Variants in NBEAL1 observed in about 807,000 individuals in gnomAD.
NBEAL1 encodes the protein neurobeachin-like protein 1.
In NBEAL1, 273 loss-of-function variants were observed where a neutral mutation model predicts 351.3. The ratio of observed to expected loss-of-function variants is 0.78; its 90% CI spans 0.70 to 0.86. NBEAL1 has a LOEUF of 0.86. Among genes scored for constraint, NBEAL1 ranks in the 40% least tolerant of loss-of-function variants. NBEAL1 has a pLI of 0.00. For missense variants in NBEAL1, 2,961 were observed against 3,201.3 expected (o/e 0.92, Z 1.81); for synonymous variants, 1,050 against 1,086.4 (o/e 0.97, Z 0.66).
chr2:203,067,971 G>A (rs529630200), intron 6 of NBEAL1, among the ~76,000 whole-genome samples: 2 of 152,284 alleles, frequency 1.3e-5, no homozygotes, highest in East Asian at 1.9e-4. Context: ...AGAAGCTAAT[G>A]TATGGCCTCA....
At position 203,202,879 on chromosome 2, in the gene NBEAL1, T is replaced by G. The variant is rs564132852; in HGVS notation, c.7506+98T>G. Reference sequence around the variant, plus strand: ...AGGACATCGAATTGTTTTCTGGCAGTGACTGAGCTCCTTTGTATTCTTTTT... The same window carrying G: ...AGGACATCGAATTGTTTTCTGGCAGGGACTGAGCTCCTTTGTATTCTTTTT... On this transcript the variant is annotated intron_variant, in intron 51 of 55. Coordinates refer to ENST00000683969, the MANE Select transcript of NBEAL1 (RefSeq NM_001378026.1). 4.1e-5 allele frequency: 29 copies of G among 706,004 alleles called. No individual in the cohort carries two copies. In the Admixed American group the frequency reaches 5.6e-4, roughly 14 times the overall value. 43.7% of individuals were successfully genotyped at this position (706,004 alleles called of 1,614,324 possible). A position where few individuals can be genotyped will look rare whatever the true frequency, so the allele number is the denominator to read the frequency against.
Position 203,037,911 on chromosome 2 carries a change from T to C in NBEAL1, c.52-3854T>C, listed in dbSNP as rs187976040. 3.0e-3 allele frequency among the ~76,000 whole-genome samples: 454 copies of C among 149,352 alleles called. 40 individuals carry two copies. Among genetic ancestry groups the C allele is most frequent in the Non-Finnish European group, 4.5e-3 (302 of 66,566 alleles). On this transcript the variant is annotated intron_variant, in intron 2 of 55. Transcript: ENST00000683969. ...TTGAGGCCATAGTGAACCGTGATTG[T>C]GCCACTGCACTCCGGCCTGGGTAAC... is the stretch of plus-strand genomic sequence containing the variant.
chr2:203,203,747 T>G (rs1462311843), intron 51 of NBEAL1, among the ~76,000 whole-genome samples: 1 of 152,114 alleles, frequency 6.6e-6, no homozygotes, highest in Non-Finnish European at 1.5e-5. Flanking sequence ...TTTTCTTATA[T>G]TACAATCTTT....
At chr2:203,077,122 T>A (rs987666037) in intron 7 of NBEAL1, among the ~76,000 whole-genome samples, 5 of 151,990 alleles carry the variant, frequency 3.3e-5, no homozygotes, top group Admixed American at 6.6e-5. Context: ...CATAAAGACC[T>A]GACAAGGGGC....
At position 203,022,613 on chromosome 2, in the gene NBEAL1, TAAGAG is replaced by T. The variant is rs2060789933; in HGVS notation, c.51+6179_51+6183del. On this transcript the variant is annotated intron_variant, in intron 2 of 55. Coordinates refer to ENST00000683969, the MANE Select transcript of NBEAL1 (RefSeq NM_001378026.1). Reference sequence around the variant, plus strand: ...AAAGAGATTTTATTTAAATGTATTTTAAGAGGAAGAGAGATAAAAATGTAATCTTT... The same window carrying T: ...AAAGAGATTTTATTTAAATGTATTTTGAAGAGAGATAAAAATGTAATCTTT... 2.0e-5 allele frequency among the ~76,000 whole-genome samples: 3 copies of T among 152,232 alleles called. No individual in the cohort carries two copies. The South Asian group carries it at 6.2e-4, about 31-fold the overall frequency.
In NBEAL1 at chr2:203,126,076, G is replaced by C. The variant is rs2062930557; in HGVS notation, c.2968G>C (p.Gly990Arg). The C allele has an allele frequency of 6.5e-7, 1 of 1,542,956 alleles. No individual in the cohort carries two copies. The highest frequency in any genetic ancestry group is 1.4e-5 in the African/African-American group (1 of 72,648). The change falls in exon 21 of 56, where the codon GGT becomes CGT. Residue 990 changes from glycine (G) to arginine (R), a missense_variant. Transcript: ENST00000683969. The part of the protein sequence containing the change: ...LIHSHGVATL[G>R]ALLQKVPSTL... ...TCACTCCCATGGAGTTGCAACTCTT[G>C]GTGCTTTACTTCAGAAGGTGAGCCA...
intron 2 of NBEAL1, among the ~76,000 whole-genome samples, chr2:203,019,959 C>T (rs575629836): frequency 2.0e-4 from 31 of 152,100 alleles, no homozygotes; most frequent in African/African-American, 7.5e-4. Context: ...GAGTATAAAA[C>T]TTGGCAATTT....
At chr2:203,144,364 G>A (rs1220252306) in intron 31 of NBEAL1, among the ~76,000 whole-genome samples, 2 of 152,142 alleles carry the variant, frequency 1.3e-5, no homozygotes, top group Non-Finnish European at 2.9e-5. Flanking sequence ...TGATACTCTG[G>A]CTACTGCTAT....
chr2:203,094,428 GT>G (rs1190617636), intron 10 of NBEAL1, among the ~76,000 whole-genome samples: 2 of 152,028 alleles, frequency 1.3e-5, no homozygotes, highest in Non-Finnish European at 2.9e-5. Flanking sequence ...AATCCTTTAT[GT>G]TCTTTTTATA....
chr2:203,121,263 T>A (rs1034152289), intron 18 of NBEAL1, among the ~76,000 whole-genome samples: 2 of 152,168 alleles, frequency 1.3e-5, no homozygotes, highest in Admixed American at 1.3e-4. Flanking sequence ...CTTGAAATTG[T>A]GCCTAGGGAA....
At chr2:203,052,039 C>CA (rs1423776187) in intron 4 of NBEAL1, among the ~76,000 whole-genome samples, 3 of 152,036 alleles carry the variant, frequency 2.0e-5, no homozygotes, top group Admixed American at 6.6e-5. Context: ...AACTAAGGTC[C>CA]ATGTGCACAT....
intron 4 of NBEAL1, among the ~76,000 whole-genome samples, 175 bp from the exon 5 acceptor site, chr2:203,056,252 T>C (rs936290573): frequency 4.6e-5 from 7 of 152,240 alleles, no homozygotes; most frequent in Non-Finnish European, 8.8e-5. Flanking sequence ...CTGCTTGAGT[T>C]ATAGTTCACA....
intron 36 of NBEAL1, among the ~76,000 whole-genome samples, chr2:203,165,593 G>C (rs2064108646): frequency 6.6e-6 from 1 of 151,932 alleles, no homozygotes. Context: ...TATTATAATG[G>C]GTCATATAAA....
At chr2:203,174,609 C>G (rs1002305407) in intron 41 of NBEAL1, among the ~76,000 whole-genome samples, 4 of 151,850 alleles carry the variant, frequency 2.6e-5, no homozygotes, top group African/African-American at 9.7e-5. Flanking sequence ...AAAACTATTC[C>G]AGGCTGGGTA....
chr2:203,200,308 C>T (rs1022900014), intron 49 of NBEAL1, among the ~76,000 whole-genome samples: 1 of 152,200 alleles, frequency 6.6e-6, no homozygotes, highest in East Asian at 1.9e-4. Context: ...GTCAGGAGAT[C>T]GAGACCATCT....
intron 18 of NBEAL1, among the ~76,000 whole-genome samples, chr2:203,121,182 T>C (rs2062822000): frequency 6.6e-6 from 1 of 151,754 alleles, no homozygotes; most frequent in African/African-American, 2.4e-5. Context: ...CCTGTAATTG[T>C]ATTTTTATAT....
chr2:203,016,319 G>C lies in NBEAL1; in HGVS notation c.-66G>C, dbSNP rs1482086919. ...GGCTGAAAAACTTGGAAAATAAAATGGACATGCTGTAGTCTTGAACATAAT... is the reference window on the plus strand; with the variant it reads ...GGCTGAAAAACTTGGAAAATAAAATCGACATGCTGTAGTCTTGAACATAAT... On this transcript the variant is annotated 5_prime_UTR_variant, in exon 2 of 56. The change abolishes an upstream ATG in the 5' untranslated region. Coordinates refer to ENST00000683969, the MANE Select transcript of NBEAL1 (RefSeq NM_001378026.1). 2 of 1,137,838 alleles carry C rather than the reference G, an allele frequency of 1.8e-6. No homozygotes were observed. Among genetic ancestry groups the C allele is most frequent in the Admixed American group, 2.7e-5 (1 of 37,184 alleles). The allele number at this position is 1,137,838 out of a possible 1,614,324, so 70.5% of individuals were successfully genotyped here. A position where few individuals can be genotyped will look rare whatever the true frequency, so the allele number is the denominator to read the frequency against.
At chr2:203,155,351 C>T (rs566032486) in intron 35 of NBEAL1, among the ~76,000 whole-genome samples, 7 of 152,120 alleles carry the variant, frequency 4.6e-5, no homozygotes, top group African/African-American at 1.7e-4. Flanking sequence ...TTTTGGTCCT[C>T]ACCTTGCTTC....
rs1559322491 is a variant in NBEAL1, at chr2:203,036,065, TA to T, written c.52-5698del. Among the ~76,000 whole-genome samples the T allele has an allele frequency of 1.3e-5, 2 of 149,222 alleles. 1 individual carries two copies. The highest frequency in any genetic ancestry group is 1.3e-4 in the Admixed American group (2 of 14,834). On this transcript the variant is annotated intron_variant, in intron 2 of 55. Transcript: ENST00000683969. ...AACAGAGCAGGGATTAGAGTCCAAG[TA>T]ATTTGGCTCCAGCACTCCTGCACTA...
Sources: gnomAD v4.1 joint callset for allele counts (sites outside exome capture counted in the v4.1 genomes callset) on GRCh38, gnomAD v4.1.1 for gene constraint, MANE v1.5 for transcripts, NCBI Gene and HGNC (gene_info 2026-07-23, HGNC 2026-07-21) for gene names.